Variants in CTBP2 observed in about 807,000 individuals in gnomAD.
CTBP2 encodes C-terminal-binding protein 2.
A neutral mutation model predicts 80.3 loss-of-function variants in CTBP2; 30 were observed. The ratio of observed to expected loss-of-function variants is 0.37; its 90% CI spans 0.28 to 0.51. The LOEUF is 0.51. CTBP2 is among the 20% of genes least tolerant of loss of function. The probability of loss-of-function intolerance (pLI) is 0.93; values close to 1 mark genes in which losing one functional copy is unlikely to be tolerated. For missense variants in CTBP2, 1,212 were observed against 1,375.3 expected, an observed-to-expected ratio of 0.88 and a Z score of 1.88; for synonymous variants, 594 against 587.4, an observed-to-expected ratio of 1.01 and a Z score of -0.16.
intron 2 of CTBP2, among the ~76,000 whole-genome samples, chr10:125,079,783 A>G (rs1258091040): frequency 3.9e-5 from 6 of 152,228 alleles, no homozygotes; most frequent in Admixed American, 3.9e-4. Flanking sequence ...GACTATTCCA[A>G]TGGAGAGTTT....
intron 2 of CTBP2, among the ~76,000 whole-genome samples, chr10:125,083,814 C>T (rs1044939734): frequency 2.0e-5 from 3 of 152,130 alleles, no homozygotes; most frequent in Non-Finnish European, 4.4e-5. Context: ...CGGAGTCTTG[C>T]TCTGTCATCC....
chr10:124,986,808 G>GCCCT lies in CTBP2; in HGVS notation c.*2706_*2709dup, dbSNP rs1317914121. On this transcript the variant is annotated 3_prime_UTR_variant, in exon 9 of 9. Transcript: ENST00000309035. Reference sequence around the variant, plus strand: ...TCTAGTTGCCTGTTAAGCAAAATCTGCCCTCCCAATTGAAAAAGCCAAAGA... The same window carrying GCCCT: ...TCTAGTTGCCTGTTAAGCAAAATCTGCCCTCCCTCCCAATTGAAAAAGCCAAAGA... 6.6e-6 allele frequency: 1 copy of GCCCT among 152,144 alleles called. No individual in the cohort carries two copies. The highest frequency in any genetic ancestry group is 1.5e-5 in the Non-Finnish European group (1 of 68,030). The allele number at this position is 152,144 out of a possible 1,614,324, so 9.4% of individuals were successfully genotyped here. A position where few individuals can be genotyped will look rare whatever the true frequency, so the allele number is the denominator to read the frequency against.
intron 2 of CTBP2, among the ~76,000 whole-genome samples, chr10:125,081,753 C>T (rs1847207357): frequency 6.6e-6 from 1 of 152,006 alleles, no homozygotes; most frequent in South Asian, 2.1e-4. Context: ...TCCCAGAGAA[C>T]CCAAATTTTT....
chr10:125,102,210 G>A (rs985684421), intron 2 of CTBP2, among the ~76,000 whole-genome samples: 6 of 152,190 alleles, frequency 3.9e-5, no homozygotes, highest in Admixed American at 2.6e-4. Flanking sequence ...ATCAGAGGAG[G>A]ACAAGGTCAA....
At chr10:125,158,195 C>G (rs1348444092) in intron 1 of CTBP2, among the ~76,000 whole-genome samples, 1 of 151,950 alleles carries the variant, frequency 6.6e-6, no homozygotes, top group Non-Finnish European at 1.5e-5. Flanking sequence ...CCTCAGAATT[C>G]TCAAAGTACA....
At chr10:125,025,741 G>T (rs114984142) in intron 1 of CTBP2, among the ~76,000 whole-genome samples, 9,175 of 152,204 alleles carry the variant, frequency 0.06, 266 homozygotes, top group Middle Eastern at 0.095. Flanking sequence ...GCCACCCCTC[G>T]TGAGCTCAAG....
intron 1 of CTBP2, among the ~76,000 whole-genome samples, chr10:125,119,991 C>T (rs1564966091): frequency 1.3e-5 from 2 of 152,350 alleles, no homozygotes; most frequent in East Asian, 1.9e-4. Context: ...TGAAAAAAGC[C>T]AAGTGTCCCT....
At chr10:125,107,170 TG>T (rs1297466842) in intron 2 of CTBP2, among the ~76,000 whole-genome samples, 1 of 152,244 alleles carries the variant, frequency 6.6e-6, no homozygotes, top group African/African-American at 2.4e-5. Context: ...CTCCGAAGGC[TG>T]GCTAAAGCTT....
At chr10:125,072,181 G>A (rs780559823) in intron 2 of CTBP2, among the ~76,000 whole-genome samples, 18 of 152,154 alleles carry the variant, frequency 1.2e-4, no homozygotes, top group African/African-American at 2.7e-4. Context: ...GCATGGTGGC[G>A]TGCGCCTGTA....
At chr10:125,049,313 CCACAGTTGT>C (rs1207643917) in intron 2 of CTBP2, among the ~76,000 whole-genome samples, 1 of 152,232 alleles carries the variant, frequency 6.6e-6, no homozygotes, top group Non-Finnish European at 1.5e-5. Context: ...TTCAAAGTCG[CCACAGTTGT>C]CACAGCAGCA....
At chr10:125,150,594 C>T (rs35668433) in intron 1 of CTBP2, among the ~76,000 whole-genome samples, 6,973 of 151,888 alleles carry the variant, frequency 0.046, 240 homozygotes, top group East Asian at 0.15. Flanking sequence ...ACTTAATTAC[C>T]TAAGCTCCCT....
In CTBP2 at chr10:124,986,471, T is replaced by A. The variant is rs1447216434; in HGVS notation, c.*3047A>T. The A allele has an allele frequency of 6.6e-6, 1 of 152,210 alleles. No individual in the cohort carries two copies. Among genetic ancestry groups the A allele is most frequent in the Non-Finnish European group, 1.5e-5 (1 of 68,026 alleles). The allele number at this position is 152,210 out of a possible 1,614,324, so 9.4% of individuals were successfully genotyped here. A position where few individuals can be genotyped will look rare whatever the true frequency, so the allele number is the denominator to read the frequency against. On this transcript the variant is annotated 3_prime_UTR_variant, in exon 9 of 9. Coordinates refer to ENST00000309035, the MANE Select transcript of CTBP2 (RefSeq NM_022802.3). ...TAGAAAAATACCCACAAAACTGTCA[T>A]GTCTTTAGTTCTTTCCCCCCGAAAA...
chr10:125,046,832 G>A (rs1961377639), intron 2 of CTBP2, among the ~76,000 whole-genome samples: 1 of 152,198 alleles, frequency 6.6e-6, no homozygotes, highest in Non-Finnish European at 1.5e-5. Flanking sequence ...CAACAAAGCT[G>A]AGTAAATCCT....
chr10:125,046,537 C>CAAAAAAAA (rs57913854), intron 2 of CTBP2, among the ~76,000 whole-genome samples: 3,478 of 114,394 alleles, frequency 0.03, 126 homozygotes, highest in Admixed American at 0.045. Flanking sequence ...GACTCTATCT[C>CAAAAAAAA]AAAAAAAAAA....
chr10:125,002,995 T>C lies in CTBP2; in HGVS notation c.1943A>G (p.Tyr648Cys). 1 of 1,613,762 alleles carries C rather than the reference T, an allele frequency of 6.2e-7. No individual in the cohort carries two copies. Among genetic ancestry groups the C allele is most frequent in the Middle Eastern group, 1.7e-4 (1 of 5,976 alleles). ...GGCAGCCTTGATGTCCACGTTGTCA[T>C]AGCCACTGCCTATCCGCACGATCAC... The change falls in exon 3 of 9, where the codon TAT (tyrosine) becomes TGT (cysteine). Residue 648 changes from tyrosine (Y) to cysteine (C), a missense_variant. Transcript: ENST00000309035.
At chr10:125,010,684 C>T (rs1955779247) in intron 1 of CTBP2, among the ~76,000 whole-genome samples, 1 of 152,170 alleles carries the variant, frequency 6.6e-6, no homozygotes. Flanking sequence ...TTAACTCAAC[C>T]TTGGACAAGG....
In CTBP2 at chr10:125,086,485, A is replaced by C. The variant is rs552578695; in HGVS notation, c.-102+24505T>G. Among the ~76,000 whole-genome samples the C allele has an allele frequency of 9.9e-5, 15 of 152,092 alleles. No homozygotes were observed. In the South Asian group the frequency reaches 3.1e-3, roughly 32 times the overall value. On this transcript the variant is annotated intron_variant, in intron 2 of 10. Coordinates refer to the CTBP2 transcript ENST00000337195. ...CAAAAATTTGCCAAGTGTGCTGGTA[A>C]TCGGCTGTAATCCCAGCTACTTGGG...
intron 1 of CTBP2, among the ~76,000 whole-genome samples, chr10:125,012,408 A>C (rs1242934881): frequency 1.3e-5 from 2 of 152,140 alleles, no homozygotes; most frequent in Non-Finnish European, 2.9e-5. Flanking sequence ...ACTCTCAGCC[A>C]CCACTGTGGC....
At chr10:125,038,913 C>A (rs1959161815) in intron 3 of CTBP2, 84 bp downstream of exon 3, 8 of 1,377,374 alleles carry the variant, frequency 5.8e-6, no homozygotes, top group Non-Finnish European at 8.2e-6. Flanking sequence ...TGGGGAGTGG[C>A]ACAGCCAACT....
Sources: allele counts gnomAD v4.1 joint callset (sites outside exome capture counted in the v4.1 genomes callset), GRCh38; gene constraint gnomAD v4.1.1; transcripts MANE v1.5; gene names NCBI Gene and HGNC (gene_info 2026-07-23, HGNC 2026-07-21).